The following UPF3A variants were observed in gnomAD, a reference collection of about 807,000 sequenced individuals.
The protein encoded by UPF3A is regulator of nonsense transcripts 3A.
Under a neutral mutation model 53.5 loss-of-function variants are expected in UPF3A, and 42 were observed. The observed-to-expected ratio is 0.78, with a 90% CI of 0.61 to 1.01. The LOEUF is 1.01. Among genes scored for constraint, UPF3A ranks in the 50% least tolerant of loss-of-function variants. The probability of loss-of-function intolerance (pLI) is 0.00; values close to 1 mark genes in which losing one functional copy is unlikely to be tolerated. For missense variants in UPF3A, 575 were observed against 598.0 expected, an observed-to-expected ratio of 0.96 and a Z score of 0.40; for synonymous variants, 237 against 225.3, an observed-to-expected ratio of 1.05 and a Z score of -0.47.
Position 114,298,703 on chromosome 13 carries a change from T to A in UPF3A, c.847-137T>A, listed in dbSNP as rs2086301197. 1.5e-5 allele frequency: 13 copies of A among 892,866 alleles called. No individual in the cohort carries two copies. In the East Asian group the frequency reaches 4.0e-4, roughly 27 times the overall value. The allele number at this position is 892,866 out of a possible 1,614,324, so 55.3% of individuals were successfully genotyped here. On this transcript the variant is annotated intron_variant, in intron 7 of 9. Coordinates refer to ENST00000375299, the MANE Select transcript of UPF3A (RefSeq NM_023011.4). ...CACGTATTAAACCAAAAACCTCATT[T>A]TTGGACCTTTAGCTTTAATTCTTTG...
chr13:114,287,878 C>T (rs1177093633), intron 5 of UPF3A, among the ~76,000 whole-genome samples: 2 of 152,170 alleles, frequency 1.3e-5, no homozygotes, highest in South Asian at 4.1e-4. Flanking sequence ...ACAATCTCGG[C>T]TCACTGCAAC....
intron 3 of UPF3A, chr13:114,285,504 C>G (rs544840892): frequency 6.6e-6 from 1 of 152,052 alleles, no homozygotes; most frequent in African/African-American, 2.4e-5. Context: ...AAATATCTCC[C>G]AGTTAAAGGA....
chr13:114,296,848 A>G (rs2086085292), intron 7 of UPF3A, among the ~76,000 whole-genome samples: 1 of 152,228 alleles, frequency 6.6e-6, no homozygotes, highest in Non-Finnish European at 1.5e-5. Flanking sequence ...ATGTAAGAAC[A>G]GTTCCTAGGC....
intron 7 of UPF3A, among the ~76,000 whole-genome samples, chr13:114,293,207 A>C (rs1300824136): frequency 6.6e-6 from 1 of 151,440 alleles, no homozygotes; most frequent in Non-Finnish European, 1.5e-5. Flanking sequence ...AATATGGGGA[A>C]ACCCCATCTC....
intron 5 of UPF3A, among the ~76,000 whole-genome samples, chr13:114,289,938 C>G (rs777462091): frequency 3.3e-5 from 5 of 152,216 alleles, no homozygotes; most frequent in Non-Finnish European, 7.3e-5. Flanking sequence ...TCAGCCTCCC[C>G]ACACATCCAG....
rs1419875252 is a variant in UPF3A at position 114,301,635 on chromosome 13, G to A, written c.1008-96G>A. On this transcript the variant is annotated intron_variant, in intron 8 of 9. Coordinates refer to ENST00000375299, the MANE Select transcript of UPF3A (RefSeq NM_023011.4). ...CAGTGCAGCGCTGAGCACTTCGCAT[G>A]GGTCCCTGTTGTCTGGGAACCTGTG... 2.3e-6 allele frequency: 3 copies of A among 1,278,862 alleles called. No homozygotes were observed. In the Admixed American group the frequency reaches 6.2e-5, roughly 26 times the overall value. 79.2% of individuals were successfully genotyped at this position (1,278,862 alleles called of 1,614,324 possible).
rs1566718538 is a variant in UPF3A at position 114,282,089 on chromosome 13, A to G, written c.276A>G (p.Pro92=). 1 of 1,579,724 alleles carries G rather than the reference A, an allele frequency of 6.3e-7. No individual in the cohort carries two copies. The highest frequency in any genetic ancestry group is 8.6e-7 in the Non-Finnish European group (1 of 1,163,928). ...EQLEEQLRPL[P]AHDYFEFFAA... ...TGGAGGAGCAGCTGCGCCCGCTGCCAGCACACGACTACTTCGAGTTCTTCG... is the reference window on the plus strand; with the variant it reads ...TGGAGGAGCAGCTGCGCCCGCTGCCGGCACACGACTACTTCGAGTTCTTCG... Residue 92 remains proline (P), a synonymous_variant, in exon 2 of 10, where the codon CCA becomes CCG. Coordinates refer to ENST00000375299, the MANE Select transcript of UPF3A (RefSeq NM_023011.4).
intron 7 of UPF3A, among the ~76,000 whole-genome samples, 194 bp downstream of exon 7, chr13:114,291,986 G>A (rs1013793742): frequency 6.6e-6 from 1 of 151,990 alleles, no homozygotes; most frequent in African/African-American, 2.4e-5. Flanking sequence ...CTGAGCCCTG[G>A]GAGTCCTCAG....
chr13:114,288,898 A>C (rs1253010498), intron 5 of UPF3A, among the ~76,000 whole-genome samples: 2 of 152,180 alleles, frequency 1.3e-5, no homozygotes, highest in Admixed American at 6.5e-5. Flanking sequence ...GAAGCAGCAA[A>C]TTAGACGTTA....
chr13:114,299,910 G>A (rs977370343), intron 8 of UPF3A, among the ~76,000 whole-genome samples: 3 of 152,254 alleles, frequency 2.0e-5, no homozygotes, highest in Non-Finnish European at 1.5e-5. Flanking sequence ...ATAGTCGTAG[G>A]TGTGATTTCT....
intron 2 of UPF3A, 67 bp from the exon 3 acceptor site, chr13:114,282,770 A>G: frequency 6.4e-7 from 1 of 1,557,092 alleles, no homozygotes; most frequent in Non-Finnish European, 8.7e-7. Context: ...AGAAAAGGAA[A>G]AAGAGGCTAA....
chr13:114,304,525 G>A (rs535472869), intron 9 of UPF3A, among the ~76,000 whole-genome samples: 3 of 152,308 alleles, frequency 2.0e-5, no homozygotes, highest in Admixed American at 1.3e-4. Context: ...AGAGGGGGAC[G>A]TCATGATTGT....
chr13:114,286,672 T>C (rs1183170621), intron 5 of UPF3A, 43 bp downstream of exon 5: 1 of 1,491,244 alleles, frequency 6.7e-7, no homozygotes, highest in Non-Finnish European at 9.2e-7. Context: ...TTGAGAGATT[T>C]ACTCGTAGAG....
At chr13:114,289,419 G>C (rs1288877423) in intron 5 of UPF3A, among the ~76,000 whole-genome samples, 1 of 151,722 alleles carries the variant, frequency 6.6e-6, no homozygotes, top group African/African-American at 2.4e-5. Flanking sequence ...AGCTACTTGG[G>C]AGGCTGAGGC....
chr13:114,296,819 A>G (rs557345701), intron 7 of UPF3A, among the ~76,000 whole-genome samples: 1 of 152,292 alleles, frequency 6.6e-6, no homozygotes, highest in Admixed American at 6.5e-5. Flanking sequence ...GGTATTGAAA[A>G]AGACGTGCAG....
rs367909816 is a variant in UPF3A, at chr13:114,301,755, G to A, written c.1032G>A (p.Glu344=). The change falls in exon 9 of 10, where the codon GAG becomes GAA. Residue 344 remains glutamate (E), a synonymous_variant. Coordinates refer to ENST00000375299, the MANE Select transcript of UPF3A (RefSeq NM_023011.4). ...QETSHSGSDK[E]HRDVERSQEQ... is the part of the protein sequence containing the mutation. ...GGTCACACAGCGGCAGTGATAAAGA[G>A]CACAGGGATGTGGAGAGATCTCAAG... 4 of 1,613,680 alleles carry A rather than the reference G, an allele frequency of 2.5e-6. No individual in the cohort carries two copies. Among genetic ancestry groups the A allele is most frequent in the Non-Finnish European group, 3.4e-6 (4 of 1,179,754 alleles).
intron 3 of UPF3A, among the ~76,000 whole-genome samples, chr13:114,284,442 A>C (rs1311811856): frequency 1.3e-5 from 2 of 151,610 alleles, no homozygotes; most frequent in African/African-American, 2.4e-5. Flanking sequence ...CACTCCTGTA[A>C]TCCCAGCACT....
At chr13:114,297,437 A>AT (rs1050912318) in intron 7 of UPF3A, among the ~76,000 whole-genome samples, 1 of 151,854 alleles carries the variant, frequency 6.6e-6, no homozygotes, top group Admixed American at 6.6e-5. Flanking sequence ...CCTTTTAAAA[A>AT]TTTTTTTTTC....
At chr13:114,295,648 A>G (rs1296570035) in intron 7 of UPF3A, among the ~76,000 whole-genome samples, 1 of 151,968 alleles carries the variant, frequency 6.6e-6, no homozygotes, top group Admixed American at 6.6e-5. Flanking sequence ...TTTTGATGCT[A>G]CCTGAGGTTA....
Sources: gnomAD v4.1 joint callset for allele counts (sites outside exome capture counted in the v4.1 genomes callset) on GRCh38, gnomAD v4.1.1 for gene constraint, MANE v1.5 for transcripts, NCBI Gene and HGNC (gene_info 2026-07-23, HGNC 2026-07-21) for gene names.